POU6F2: variants seen among roughly 807,000 people sequenced by gnomAD.
POU6F2 encodes the protein POU domain, class 6, transcription factor 2.
POU6F2 carries 31 observed loss-of-function variants against 71.3 expected under a neutral mutation model. The ratio of observed to expected loss-of-function variants is 0.43; its 90% CI spans 0.33 to 0.59. The LOEUF (loss-of-function observed/expected upper bound fraction) is 0.59, where lower values mean the gene tolerates loss of function less well. Ranked by LOEUF, POU6F2 falls within the 20% of genes least tolerant of loss-of-function variation. POU6F2 has a pLI of 0.04. For missense variants in POU6F2, 783 were observed against 856.8 expected, an observed-to-expected ratio of 0.91 and a Z score of 1.07; for synonymous variants, 347 against 355.7, an observed-to-expected ratio of 0.98 and a Z score of 0.27.
Position 39,151,970 on chromosome 7 carries a change from C to T in POU6F2, c.278-52265C>T, listed in dbSNP as rs147283633. Among the ~76,000 whole-genome samples the T allele has an allele frequency of 2.0e-3, 301 of 152,248 alleles. 2 individuals are homozygous for T. Among genetic ancestry groups the T allele is most frequent in the African/African-American group, 7.0e-3 (290 of 41,536 alleles). ...ATTATCAGGATGAGAGTAACATCAG[C>T]GTGGCTTATCTTCTTTCTGTAGCCA... On this transcript the variant is annotated intron_variant, in intron 2 of 9. Transcript: ENST00000518318.
chr7:39,202,600 T>C (rs1190251335), intron 2 of POU6F2, among the ~76,000 whole-genome samples: 1 of 152,214 alleles, frequency 6.6e-6, no homozygotes, highest in Non-Finnish European at 1.5e-5. Context: ...GACTTGGGTA[T>C]ATAAGAAAGA....
intron 8 of POU6F2, among the ~76,000 whole-genome samples, chr7:39,452,419 C>T (rs912930464): frequency 5.9e-5 from 9 of 152,196 alleles, no homozygotes; most frequent in Non-Finnish European, 1.0e-4. Flanking sequence ...ATGTCAGTCA[C>T]GTTTAGTGCA....
At chr7:39,227,544 T>A (rs1208391969) in intron 4 of POU6F2, among the ~76,000 whole-genome samples, 2 of 148,940 alleles carry the variant, frequency 1.3e-5, no homozygotes, top group Admixed American at 1.4e-4. Context: ...CCTCGTGACA[T>A]TGGTACCTTT....
At chr7:39,147,109 C>T (rs897871675) in intron 2 of POU6F2, among the ~76,000 whole-genome samples, 3 of 152,102 alleles carry the variant, frequency 2.0e-5, no homozygotes, top group African/African-American at 4.8e-5. Flanking sequence ...GGTGGGACTA[C>T]AGACAGGGTT....
intron 1 of POU6F2, among the ~76,000 whole-genome samples, chr7:39,026,003 T>C (rs1177652619): frequency 6.6e-6 from 1 of 152,172 alleles, no homozygotes; most frequent in Non-Finnish European, 1.5e-5. Context: ...GAAACAATGC[T>C]CATCATCACT....
At chr7:39,068,267 T>C (rs961466146) in intron 1 of POU6F2, among the ~76,000 whole-genome samples, 2 of 152,156 alleles carry the variant, frequency 1.3e-5, no homozygotes, top group Admixed American at 6.6e-5. Context: ...TAATACTTTC[T>C]CACTGTACAT....
intron 1 of POU6F2, among the ~76,000 whole-genome samples, chr7:39,053,659 T>A (rs1203977976): frequency 6.6e-6 from 1 of 152,168 alleles, no homozygotes; most frequent in African/African-American, 2.4e-5. Context: ...GCCCATTTTT[T>A]TTCTATTCTT....
At chr7:39,298,660 T>C (rs1008858130) in intron 4 of POU6F2, among the ~76,000 whole-genome samples, 2 of 152,232 alleles carry the variant, frequency 1.3e-5, no homozygotes, top group Admixed American at 1.3e-4. Flanking sequence ...ACTGGGTATA[T>C]ACCCAAAGGA....
intron 2 of POU6F2, among the ~76,000 whole-genome samples, chr7:39,094,049 T>C (rs1185559521): frequency 6.6e-6 from 1 of 152,136 alleles, no homozygotes; most frequent in East Asian, 1.9e-4. Flanking sequence ...GTACTTCTCC[T>C]GTATATTTAA....
In POU6F2 at chr7:39,467,778, C is replaced by A. The variant is rs1462374593; in HGVS notation, c.*3092C>A. On this transcript the variant is annotated 3_prime_UTR_variant, in exon 10 of 10. Transcript: ENST00000518318. ...AAAAGGAGCTAGGAAAAAAACAAAA[C>A]AAAACAAGTAGAGGTGTATCAAAGA... 6.6e-6 allele frequency: 1 copy of A among 151,914 alleles called. No individual in the cohort carries two copies. Among genetic ancestry groups the A allele is most frequent in the Non-Finnish European group, 1.5e-5 (1 of 67,958 alleles). 9.4% of individuals were successfully genotyped at this position (151,914 alleles called of 1,614,324 possible). A position where few individuals can be genotyped will look rare whatever the true frequency, so the allele number is the denominator to read the frequency against.
chr7:38,979,182 G>A (rs1010012184), intron 1 of POU6F2, among the ~76,000 whole-genome samples: 5 of 136,742 alleles, frequency 3.7e-5, no homozygotes, highest in African/African-American at 1.1e-4. Context: ...CTATGGTCAC[G>A]AATATTTATA....
intron 1 of POU6F2, chr7:39,013,013 C>G (rs2128703926): frequency 6.6e-6 from 1 of 152,328 alleles, no homozygotes; most frequent in South Asian, 2.1e-4. Flanking sequence ...GAGGTGGAGC[C>G]TACAGAGGCA....
At chr7:39,455,735 AAC>A (rs1427693834) in intron 8 of POU6F2, among the ~76,000 whole-genome samples, 2 of 152,078 alleles carry the variant, frequency 1.3e-5, no homozygotes, top group African/African-American at 4.8e-5. Context: ...AAAACAAACA[AAC>A]AGCAAAATAA....
At chr7:39,254,912 T>C (rs1783992212) in intron 4 of POU6F2, among the ~76,000 whole-genome samples, 1 of 152,218 alleles carries the variant, frequency 6.6e-6, no homozygotes, top group African/African-American at 2.4e-5. Context: ...CCAGATCTTC[T>C]TGTGATTCTA....
At chr7:39,361,454 T>C (rs1472282575) in intron 5 of POU6F2, among the ~76,000 whole-genome samples, 1 of 152,202 alleles carries the variant, frequency 6.6e-6, no homozygotes, top group South Asian at 2.1e-4. Flanking sequence ...CTCTGTTTCT[T>C]TTGGATGTAA....
chr7:39,332,397 T>A (rs974765747), intron 4 of POU6F2, among the ~76,000 whole-genome samples: 1 of 152,248 alleles, frequency 6.6e-6, no homozygotes, highest in Non-Finnish European at 1.5e-5. Context: ...CCTGGGTCCT[T>A]TGTCTTCCTC....
chr7:39,286,726 T>C (rs921898959), intron 4 of POU6F2, among the ~76,000 whole-genome samples: 1 of 152,152 alleles, frequency 6.6e-6, no homozygotes, highest in Admixed American at 6.5e-5. Flanking sequence ...TGCAAATTAG[T>C]TTCATAGAAT....
intron 4 of POU6F2, among the ~76,000 whole-genome samples, chr7:39,275,423 C>T (rs1784418039): frequency 6.6e-6 from 1 of 152,166 alleles, no homozygotes; most frequent in Admixed American, 6.5e-5. Flanking sequence ...AATGGAAGAA[C>T]ATTCCATGCT....
intron 2 of POU6F2, among the ~76,000 whole-genome samples, chr7:39,096,851 T>G (rs1423524664): frequency 6.6e-6 from 1 of 152,232 alleles, no homozygotes; most frequent in Non-Finnish European, 1.5e-5. Flanking sequence ...ATAAAAATAA[T>G]GTAAAGCTTT....
Sources: allele counts gnomAD v4.1 joint callset (sites outside exome capture counted in the v4.1 genomes callset), GRCh38; gene constraint gnomAD v4.1.1; transcripts MANE v1.5; gene names NCBI Gene and HGNC (gene_info 2026-07-23, HGNC 2026-07-21).